GABRB3: variants seen among roughly 807,000 people sequenced by gnomAD.
The protein encoded by GABRB3 is gamma-aminobutyric acid receptor subunit beta-3.
Under a neutral mutation model 52.1 loss-of-function variants are expected in GABRB3, and 14 were observed. The ratio of observed to expected loss-of-function variants is 0.27; its 90% CI spans 0.18 to 0.42. The LOEUF (loss-of-function observed/expected upper bound fraction) is 0.42. Ranked by LOEUF, GABRB3 falls within the 10% of genes least tolerant of loss-of-function variation. GABRB3 has a pLI of 1.00. For synonymous variants in GABRB3, 260 were observed against 232.3 expected (o/e 1.12, Z -1.08); for missense variants, 307 against 609.1 (o/e 0.50, Z 5.22).
intron 3 of GABRB3, among the ~76,000 whole-genome samples, chr15:26,706,545 C>A (rs1199778325): frequency 6.6e-6 from 1 of 151,892 alleles, no homozygotes; most frequent in Non-Finnish European, 1.5e-5. Context: ...AAGAAATGGA[C>A]TAACTGCAGT....
Position 26,547,338 on chromosome 15 carries a change from A to G in GABRB3, c.*455T>C, listed in dbSNP as rs1276296070. 7.3e-6 allele frequency: 3 copies of G among 410,524 alleles called. No homozygotes were observed. Among genetic ancestry groups the G allele is most frequent in the Non-Finnish European group, 1.3e-5 (3 of 232,906 alleles). The allele number at this position is 410,524 out of a possible 1,614,324, so 25.4% of individuals were successfully genotyped here. On this transcript the variant is annotated 3_prime_UTR_variant, in exon 9 of 9. Transcript: ENST00000311550. ...CTGTATGAGTTTTCAAAGATTAACT[A>G]AGAATGTCTTTCTGATTTTTAAACT... is the stretch of plus-strand genomic sequence containing the variant.
chr15:26,750,425 CTG>C (rs1408937333), intron 3 of GABRB3, among the ~76,000 whole-genome samples: 3 of 152,124 alleles, frequency 2.0e-5, no homozygotes, highest in Non-Finnish European at 2.9e-5. Flanking sequence ...AACTGAGAAA[CTG>C]TATGATATAA....
chr15:26,711,869 AAG>A (rs1285109571), intron 3 of GABRB3, among the ~76,000 whole-genome samples: 2 of 152,372 alleles, frequency 1.3e-5, no homozygotes, highest in South Asian at 2.1e-4. Context: ...TAAAACAAGT[AAG>A]GGGAGAGAGA....
intron 4 of GABRB3, among the ~76,000 whole-genome samples, chr15:26,605,802 G>A (rs1041500481): frequency 6.6e-6 from 1 of 152,118 alleles, no homozygotes; most frequent in Non-Finnish European, 1.5e-5. Context: ...AACAGGTGGT[G>A]TATTAGTCAG....
intron 3 of GABRB3, among the ~76,000 whole-genome samples, chr15:26,640,516 C>T (rs77215542): frequency 6.9e-6 from 1 of 144,224 alleles, no homozygotes; most frequent in African/African-American, 2.5e-5. Flanking sequence ...GACTCCGTCT[C>T]AAAAAAAAAA....
At chr15:26,672,698 C>T (rs1445524620) in intron 3 of GABRB3, among the ~76,000 whole-genome samples, 1 of 152,144 alleles carries the variant, frequency 6.6e-6, no homozygotes, top group Non-Finnish European at 1.5e-5. Context: ...GATTTCTTTT[C>T]TTGGCGTAAT....
chr15:26,567,375 A>G (rs1280884101), intron 7 of GABRB3, among the ~76,000 whole-genome samples: 1 of 152,200 alleles, frequency 6.6e-6, no homozygotes, highest in East Asian at 1.9e-4. Flanking sequence ...ATGGGCATGA[A>G]AATTCACATT....
chr15:26,717,135 C>A (rs952529318), intron 3 of GABRB3, among the ~76,000 whole-genome samples: 6 of 146,818 alleles, frequency 4.1e-5, no homozygotes, highest in Non-Finnish European at 1.5e-5. Context: ...AATGACAGCC[C>A]AGCTCTGAGG....
rs150342575 is a variant in GABRB3, at chr15:26,598,399, C to T, written c.462-14985G>A. Among the ~76,000 whole-genome samples the T allele has an allele frequency of 1.9e-3, 295 of 152,170 alleles. 6 individuals are homozygous for T. The East Asian group carries it at 0.036, about 19-fold the overall frequency. Reference sequence around the variant, plus strand: ...TGTCACCAAGTGGTGGAATAGGATGCCAGACTACACCTTCACCCCTCCACC... The same window carrying T: ...TGTCACCAAGTGGTGGAATAGGATGTCAGACTACACCTTCACCCCTCCACC... On this transcript the variant is annotated intron_variant, in intron 4 of 8. Transcript: ENST00000311550.
chr15:26,569,792 T>C (rs1390769119), intron 6 of GABRB3, among the ~76,000 whole-genome samples: 1 of 152,256 alleles, frequency 6.6e-6, no homozygotes, highest in East Asian at 1.9e-4. Context: ...TATGACATTA[T>C]ACATTATCTC....
At chr15:26,662,814 C>T (rs901507418) in intron 3 of GABRB3, among the ~76,000 whole-genome samples, 6 of 152,202 alleles carry the variant, frequency 3.9e-5, no homozygotes, top group African/African-American at 1.2e-4. Flanking sequence ...ACAGAGGCAA[C>T]TCCAACAGAC....
chr15:26,682,912 G>A (rs577612324), intron 3 of GABRB3, among the ~76,000 whole-genome samples: 11 of 152,310 alleles, frequency 7.2e-5, no homozygotes, highest in African/African-American at 1.9e-4. Context: ...GGAGCCCAAA[G>A]AGCAGCTCCT....
At chr15:26,608,848 A>G (rs570557694) in intron 4 of GABRB3, among the ~76,000 whole-genome samples, 1 of 152,236 alleles carries the variant, frequency 6.6e-6, no homozygotes, top group African/African-American at 2.4e-5. Context: ...CACTGTTGGT[A>G]GGAATGCAAA....
At chr15:26,712,764 C>T (rs552055242) in intron 3 of GABRB3, among the ~76,000 whole-genome samples, 1 of 152,028 alleles carries the variant, frequency 6.6e-6, no homozygotes, top group Non-Finnish European at 1.5e-5. Context: ...ACGGCCACCT[C>T]GGGAAGGTGG....
chr15:26,737,955 G>A (rs887344586), intron 3 of GABRB3, among the ~76,000 whole-genome samples: 10 of 152,146 alleles, frequency 6.6e-5, no homozygotes, highest in African/African-American at 1.2e-4. Context: ...AATGGGGCAC[G>A]AGTCCTTGTC....
intron 3 of GABRB3, among the ~76,000 whole-genome samples, chr15:26,703,922 A>G (rs1889014392): frequency 6.6e-6 from 1 of 152,154 alleles, no homozygotes; most frequent in Admixed American, 6.5e-5. Flanking sequence ...ATTCAAGTCA[A>G]ATGCCTGTGG....
chr15:26,755,488 A>T (rs1399056324), intron 3 of GABRB3, among the ~76,000 whole-genome samples: 1 of 152,214 alleles, frequency 6.6e-6, no homozygotes, highest in Non-Finnish European at 1.5e-5. Flanking sequence ...ATTAAAGTCA[A>T]TTTTAATGTA....
intron 7 of GABRB3, among the ~76,000 whole-genome samples, chr15:26,562,236 G>A (rs768672783): frequency 5.3e-5 from 8 of 152,192 alleles, no homozygotes; most frequent in South Asian, 2.1e-4. Flanking sequence ...TGCAGCTGAC[G>A]CGCTCTCTTG....
intron 3 of GABRB3, among the ~76,000 whole-genome samples, chr15:26,667,796 C>A (rs1239359679): frequency 1.3e-5 from 2 of 152,064 alleles, no homozygotes; most frequent in Non-Finnish European, 2.9e-5. Flanking sequence ...TGGGATGCAG[C>A]CAGCTGTGTC....
Sources: allele counts gnomAD v4.1 joint callset (sites outside exome capture counted in the v4.1 genomes callset), GRCh38; gene constraint gnomAD v4.1.1; transcripts MANE v1.5; gene names NCBI Gene and HGNC (gene_info 2026-07-23, HGNC 2026-07-21).